PLCE1: variants seen among roughly 807,000 people sequenced by gnomAD.
PLCE1 encodes 1-phosphatidylinositol 4,5-bisphosphate phosphodiesterase epsilon-1.
In PLCE1, 119 loss-of-function variants were observed where a neutral mutation model predicts 242.8. The observed-to-expected ratio is 0.49, with a 90% CI of 0.42 to 0.57. The LOEUF (loss-of-function observed/expected upper bound fraction) is 0.57, where lower values mean the gene tolerates loss of function less well. Ranked by LOEUF, PLCE1 falls within the 20% of genes least tolerant of loss-of-function variation. The pLI, the probability that PLCE1 is intolerant of heterozygous loss-of-function variation, is 0.00. For missense variants in PLCE1, 2,441 were observed against 2,788.8 expected, an observed-to-expected ratio of 0.88 and a Z score of 2.81; for synonymous variants, 945 against 1,017.4, an observed-to-expected ratio of 0.93 and a Z score of 1.35.
chr10:94,300,719 T>C (rs2053003430), intron 24 of PLCE1, among the ~76,000 whole-genome samples: 1 of 152,222 alleles, frequency 6.6e-6, no homozygotes, highest in South Asian at 2.1e-4. Flanking sequence ...TCTTGATTTT[T>C]GGTCAAGATC....
At chr10:94,297,758 A>G (rs761864864) in intron 23 of PLCE1, among the ~76,000 whole-genome samples, 98 of 152,180 alleles carry the variant, frequency 6.4e-4, no homozygotes, top group Middle Eastern at 3.4e-3. Flanking sequence ...TAGCTTCCTT[A>G]TTCTCTTTAA....
intron 1 of PLCE1, among the ~76,000 whole-genome samples, chr10:94,027,820 A>AAATAAATAAATAAAT (rs1564632331): frequency 4.0e-5 from 6 of 149,296 alleles, no homozygotes; most frequent in African/African-American, 1.5e-4. Context: ...ACTCCATCTC[A>AAATAAATAAATAAAT]AAATAAATAA....
chr10:94,321,866 TATTA>T (rs2053818674), intron 29 of PLCE1, 31 bp from the exon 30 acceptor site: 1 of 1,514,914 alleles, frequency 6.6e-7, no homozygotes. Context: ...TGCATAAACC[TATTA>T]TTTACTCACA....
intron 2 of PLCE1, among the ~76,000 whole-genome samples, chr10:94,118,272 C>T (rs922908399): frequency 6.6e-6 from 1 of 151,756 alleles, no homozygotes; most frequent in African/African-American, 2.4e-5. Flanking sequence ...GTGACCATAT[C>T]TTTCTTATCT....
intron 4 of PLCE1, among the ~76,000 whole-genome samples, chr10:94,197,402 G>A (rs1683704550): frequency 6.6e-6 from 1 of 152,134 alleles, no homozygotes. Context: ...TTGAGGAATT[G>A]CCAAACTGCT....
In PLCE1 at chr10:94,048,842, G is replaced by C. The variant is rs187906234; in HGVS notation, c.1206+16590G>C. On this transcript the variant is annotated intron_variant, in intron 2 of 32. Transcript: ENST00000371380. ...GAGTGCAGTGGCAGGATCTTGGCTC[G>C]CTACAGTATCAAACTTCTGTGTTCA... Among the ~76,000 whole-genome samples the C allele has an allele frequency of 1.4e-3, 209 of 151,308 alleles. 1 individual carries two copies. The highest frequency in any genetic ancestry group is 0.014 in the South Asian group (65 of 4,792).
At chr10:94,028,275 G>C (rs1456908312) in intron 1 of PLCE1, among the ~76,000 whole-genome samples, 1 of 152,162 alleles carries the variant, frequency 6.6e-6, no homozygotes, top group Non-Finnish European at 1.5e-5. Flanking sequence ...ATAGGTTGCA[G>C]ATACAATCAT....
intron 4 of PLCE1, among the ~76,000 whole-genome samples, chr10:94,174,299 G>A (rs555028992): frequency 1.3e-5 from 2 of 152,126 alleles, no homozygotes; most frequent in Non-Finnish European, 2.9e-5. Context: ...TGGGGAGTAG[G>A]GACAGCACTT....
At position 94,306,506 on chromosome 10, in the gene PLCE1, T is replaced by C; in HGVS notation, c.5702T>C (p.Leu1901Pro). The change falls in exon 26 of 33, where the codon CTG (leucine) becomes CCG (proline). Residue 1901 changes from leucine (L) to proline (P), a missense_variant. Leu to Pro is a moderately conservative substitution (Grantham distance 98, BLOSUM62 -3). Transcript: ENST00000371380. This position sits in a 1 kb window ranked among gnomAD's most constrained non-coding sequence, Gnocchi z 5.7. ...CIEVDVLGMP[L>P]DSCHFRTKPI... ...GAAGTCGACGTCCTGGGCATGCCTC[T>C]GGACAGCTGCCATTTCCGCACAAAG... is the stretch of plus-strand genomic sequence containing the variant. 1.2e-6 allele frequency: 2 copies of C among 1,614,184 alleles called. No individual in the cohort carries two copies. Among genetic ancestry groups the C allele is most frequent in the Non-Finnish European group, 1.7e-6 (2 of 1,180,014 alleles).
intron 3 of PLCE1, among the ~76,000 whole-genome samples, chr10:94,141,461 G>A (rs1469028036): frequency 6.6e-6 from 1 of 151,986 alleles, no homozygotes; most frequent in East Asian, 1.9e-4. Context: ...GAGAGAGGGA[G>A]AGGGAGAGGG....
chr10:94,274,071 G>A lies in PLCE1; in HGVS notation c.4665+351G>A, dbSNP rs117200526. On this transcript the variant is annotated intron_variant, in intron 19 of 32. Transcript: ENST00000371380. ...CTTTAGGGAGAGTCCCCTTAGGGGAGCCCTTGGCATGGGGCCTGTAGTAGA... is the reference window on the plus strand; with the variant it reads ...CTTTAGGGAGAGTCCCCTTAGGGGAACCCTTGGCATGGGGCCTGTAGTAGA... 1.8e-3 allele frequency among the ~76,000 whole-genome samples: 277 copies of A among 152,290 alleles called. 1 individual carries two copies. Among genetic ancestry groups the A allele is most frequent in the Admixed American group, 3.5e-3 (53 of 15,304 alleles).
chr10:94,180,264 A>G (rs2048271268), intron 4 of PLCE1, among the ~76,000 whole-genome samples: 1 of 152,186 alleles, frequency 6.6e-6, no homozygotes, highest in Non-Finnish European at 1.5e-5. Flanking sequence ...ATGTGTAAAA[A>G]TGTTGACCTG....
At chr10:94,317,607 G>GAATT in intron 29 of PLCE1, among the ~76,000 whole-genome samples, 1 of 152,154 alleles carries the variant, frequency 6.6e-6, no homozygotes. Context: ...GCCTGAGTCA[G>GAATT]AATTAGTAAC....
intron 2 of PLCE1, among the ~76,000 whole-genome samples, chr10:94,097,048 G>A (rs1029411900): frequency 6.6e-6 from 1 of 152,148 alleles, no homozygotes; most frequent in African/African-American, 2.4e-5. Context: ...GGATCACACT[G>A]ATTACCCAAC....
At chr10:93,994,443 C>T (rs1403707092) in intron 1 of PLCE1, among the ~76,000 whole-genome samples, 185 bp downstream of exon 1, 1 of 152,270 alleles carries the variant, frequency 6.6e-6, no homozygotes, top group East Asian at 1.9e-4. Context: ...AGGCCGCCCT[C>T]GCAGGGGCTA....
intron 4 of PLCE1, among the ~76,000 whole-genome samples, chr10:94,209,145 G>T (rs2049256154): frequency 6.6e-6 from 1 of 152,150 alleles, no homozygotes; most frequent in Non-Finnish European, 1.5e-5. Context: ...TTCTTCCAGG[G>T]CATGTAAAAC....
chr10:94,019,503 T>TTC (rs1331786327), intron 1 of PLCE1, among the ~76,000 whole-genome samples: 1 of 152,212 alleles, frequency 6.6e-6, no homozygotes, highest in Non-Finnish European at 1.5e-5. Flanking sequence ...ACTGATCCAA[T>TTC]TCTATCTCCA....
At chr10:94,078,525 T>C (rs2044569093) in intron 2 of PLCE1, among the ~76,000 whole-genome samples, 1 of 151,980 alleles carries the variant, frequency 6.6e-6, no homozygotes, top group African/African-American at 2.4e-5. Context: ...TCTCGCTCTG[T>C]CACCTAGGCT....
At chr10:94,066,968 C>T (rs1221930809) in intron 2 of PLCE1, among the ~76,000 whole-genome samples, 3 of 152,204 alleles carry the variant, frequency 2.0e-5, no homozygotes, top group Non-Finnish European at 4.4e-5. Context: ...CTCCTATTTC[C>T]AGGGGGAATT....
Sources: allele counts gnomAD v4.1 joint callset (sites outside exome capture counted in the v4.1 genomes callset), GRCh38; gene constraint gnomAD v4.1.1; non-coding constraint Gnocchi (gnomAD v3.1); transcripts MANE v1.5; gene names NCBI Gene and HGNC (gene_info 2026-07-23, HGNC 2026-07-21).